NAB1: variants seen among roughly 807,000 people sequenced by gnomAD.
NAB1 encodes NGFI-A-binding protein 1.
Under a neutral mutation model 49.9 loss-of-function variants are expected in NAB1, and 25 were observed. The observed-to-expected ratio is 0.50, with a 90% CI of 0.37 to 0.70. The LOEUF (loss-of-function observed/expected upper bound fraction) is 0.70. Ranked by LOEUF, NAB1 falls within the 30% of genes least tolerant of loss-of-function variation. The pLI is 0.00. For missense variants in NAB1, 489 were observed against 575.9 expected (o/e 0.85, Z 1.54); for synonymous variants, 198 against 215.6 (o/e 0.92, Z 0.71).
At position 190,676,704 on chromosome 2, in the gene NAB1, T is replaced by G. The variant is rs1695090662; in HGVS notation, c.1005+3552T>G. Among the ~76,000 whole-genome samples the G allele has an allele frequency of 6.6e-6, 1 of 152,206 alleles. No homozygotes were observed. The highest frequency in any genetic ancestry group is 6.5e-5 in the Admixed American group (1 of 15,278). On this transcript the variant is annotated intron_variant, in intron 6 of 9. Coordinates refer to ENST00000337386, the MANE Select transcript of NAB1 (RefSeq NM_005966.4). The surrounding 1 kb of genome is among the most constrained non-coding windows in gnomAD (Gnocchi z 4.6). ...TCTCAAACAAAGGAAAAAAAGTTTTTAAGTAACGTACAAATAAACTTAAGC... is the reference window on the plus strand; with the variant it reads ...TCTCAAACAAAGGAAAAAAAGTTTTGAAGTAACGTACAAATAAACTTAAGC...
rs1044194296 is a variant in NAB1 at position 190,669,970 on chromosome 2, T to C, written c.820-356T>C. Among the ~76,000 whole-genome samples the C allele has an allele frequency of 6.6e-6, 1 of 152,236 alleles. No homozygotes were observed. The highest frequency in any genetic ancestry group is 1.5e-5 in the Non-Finnish European group (1 of 68,044). ...TTCATTTTTGGTTAGAGAAATGGTG[T>C]CAGCAAATCCTGTATTCTAATATTT... On this transcript the variant is annotated intron_variant, in intron 4 of 9. Transcript: ENST00000337386. This position sits in a 1 kb window ranked among gnomAD's most constrained non-coding sequence, Gnocchi z 4.3.
At position 190,677,777 on chromosome 2, in the gene NAB1, A is replaced by T. The variant is rs1286691460; in HGVS notation, c.1005+4625A>T. On this transcript the variant is annotated intron_variant, in intron 6 of 9. Transcript: ENST00000337386. The surrounding 1 kb of genome is among the most constrained non-coding windows in gnomAD (Gnocchi z 5.6). ...CACCTGTGTTGCCAAACTGCTATCC[A>T]GTAGCAGAGCCGGGGCTTCCTATCT... 6.6e-6 allele frequency among the ~76,000 whole-genome samples: 1 copy of T among 152,210 alleles called. No individual in the cohort carries two copies. Among genetic ancestry groups the T allele is most frequent in the African/African-American group, 2.4e-5 (1 of 41,458 alleles).
In NAB1 at chr2:190,674,008, C is replaced by A. The variant is rs1694952462; in HGVS notation, c.1005+856C>A. Among the ~76,000 whole-genome samples, 1 of 152,146 alleles carries A rather than the reference C, an allele frequency of 6.6e-6. No homozygotes were observed. The highest frequency in any genetic ancestry group is 2.4e-5 in the African/African-American group (1 of 41,436). On this transcript the variant is annotated intron_variant, in intron 6 of 9. Transcript: ENST00000337386. This position sits in a 1 kb window ranked among gnomAD's most constrained non-coding sequence, Gnocchi z 5.7. ...CCTATTATTTAATTTCAAGTTAAAG[C>A]AAATAATCTATGCTTGACCACCCTA...
chr2:190,651,605 C>T lies in NAB1; in HGVS notation c.-197+1623C>T, dbSNP rs1490584301. 1.3e-5 allele frequency among the ~76,000 whole-genome samples: 2 copies of T among 152,154 alleles called. No homozygotes were observed. The highest frequency in any genetic ancestry group is 2.4e-5 in the African/African-American group (1 of 41,426). On this transcript the variant is annotated intron_variant, in intron 2 of 9. Coordinates refer to ENST00000337386, the MANE Select transcript of NAB1 (RefSeq NM_005966.4). The surrounding 1 kb of genome is among the most constrained non-coding windows in gnomAD (Gnocchi z 4.3). ...CTGTGTTGCCCAGGTTGGCCTCAAA[C>T]TCCTGGGGCCAAGGGATTATCCCAC...
At position 190,687,647 on chromosome 2, in the gene NAB1, C is replaced by T. The variant is rs1366724910; in HGVS notation, c.1375+330C>T. 1.2e-4 allele frequency among the ~76,000 whole-genome samples: 19 copies of T among 152,128 alleles called. 1 individual carries two copies. Among genetic ancestry groups the T allele is most frequent in the Admixed American group, 1.2e-3 (19 of 15,272 alleles). ...TCCCAGGCATTTTGGATAAGGGATG[C>T]TCAATTGTCAGTTTTTCTCCCCTTG... On this transcript the variant is annotated intron_variant, in intron 9 of 9. Transcript: ENST00000337386.
chr2:190,685,374 G>A lies in NAB1; in HGVS notation c.1096-102G>A. On this transcript the variant is annotated intron_variant, in intron 7 of 9. Coordinates refer to ENST00000337386, the MANE Select transcript of NAB1 (RefSeq NM_005966.4). This position sits in a 1 kb window ranked among gnomAD's most constrained non-coding sequence, Gnocchi z 4.5. The stretch of plus-strand genomic sequence containing the variant: ...ACATGAAGTGTGAACTAATTTTAAT[G>A]AATACTAAATATATTTGCTGGAGTC... The A allele has an allele frequency of 9.4e-7, 1 of 1,061,844 alleles. No individual in the cohort carries two copies. The highest frequency in any genetic ancestry group is 1.3e-6 in the Non-Finnish European group (1 of 752,712). 65.8% of individuals were successfully genotyped at this position (1,061,844 alleles called of 1,614,324 possible).
chr2:190,655,617 G>C (rs916381838), intron 2 of NAB1, among the ~76,000 whole-genome samples: 1 of 152,182 alleles, frequency 6.6e-6, no homozygotes, highest in Non-Finnish European at 1.5e-5. Flanking sequence ...AAACAAGCTG[G>C]CCTGAGTCAG....
At position 190,686,472 on chromosome 2, in the gene NAB1, A is replaced by C. The variant is rs539012941; in HGVS notation, c.1259-729A>C. 1.3e-3 allele frequency among the ~76,000 whole-genome samples: 193 copies of C among 152,348 alleles called. No homozygotes were observed. The highest frequency in any genetic ancestry group is 4.4e-3 in the African/African-American group (181 of 41,576). ...TCCTAGGTAAGGATACCATCTTAAC[A>C]AGGATTCTCCAGCCATGGACTGAAA... On this transcript the variant is annotated intron_variant, in intron 8 of 9. Transcript: ENST00000337386. The surrounding 1 kb of genome is among the most constrained non-coding windows in gnomAD (Gnocchi z 5.5).
At position 190,663,559 on chromosome 2, in the gene NAB1, T is replaced by C. The variant is rs1694332830; in HGVS notation, c.819+3564T>C. 6.6e-6 allele frequency among the ~76,000 whole-genome samples: 1 copy of C among 152,236 alleles called. No individual in the cohort carries two copies. Among genetic ancestry groups the C allele is most frequent in the Admixed American group, 6.5e-5 (1 of 15,284 alleles). ...GGCCCGTAAAGCCTAAAATATTTAC[T>C]CTCTGGCCTTTTACAGAAAAAGCTT... On this transcript the variant is annotated intron_variant, in intron 4 of 9. Transcript: ENST00000337386. This position sits in a 1 kb window ranked among gnomAD's most constrained non-coding sequence, Gnocchi z 4.2.
In NAB1 at chr2:190,659,415, G is replaced by A; in HGVS notation, c.239G>A (p.Gly80Glu). ...KALRDWVTNP[G>E]LFNQPLTSLP... ...TTGAGAGACTGGGTCACAAACCCTG[G>A]GCTTTTCAATCAGCCACTGACTTCC... Residue 80 changes from glycine to glutamate, a missense_variant, in exon 4 of 10, where the codon GGG becomes GAG. By Grantham distance (98) the Gly-to-Glu change is moderately conservative. Transcript: ENST00000337386. The surrounding 1 kb of genome is among the most constrained non-coding windows in gnomAD (Gnocchi z 6.2). The A allele has an allele frequency of 6.2e-7, 1 of 1,614,070 alleles. No homozygotes were observed.
intron 4 of NAB1, among the ~76,000 whole-genome samples, chr2:190,665,361 T>C (rs943259945): frequency 6.6e-6 from 1 of 152,118 alleles, no homozygotes; most frequent in Admixed American, 6.5e-5. Context: ...CTGCTATTTA[T>C]TGTGTACTTT....
rs894644618 is a variant in NAB1, at chr2:190,667,904, T to TA, written c.820-2413dup. ...GAAACTGTATGGCTAATGACAAACT[T>TA]AAAAAAAAATCCCATTACATATGAT... On this transcript the variant is annotated intron_variant, in intron 4 of 9. Coordinates refer to ENST00000337386, the MANE Select transcript of NAB1 (RefSeq NM_005966.4). This position sits in a 1 kb window ranked among gnomAD's most constrained non-coding sequence, Gnocchi z 4.4. Among the ~76,000 whole-genome samples, 20 of 151,456 alleles carry TA rather than the reference T, an allele frequency of 1.3e-4. No homozygotes were observed. The highest frequency in any genetic ancestry group is 2.1e-4 in the Non-Finnish European group (14 of 67,752).
At chr2:190,664,054 A>G (rs546622889) in intron 4 of NAB1, among the ~76,000 whole-genome samples, 7 of 152,278 alleles carry the variant, frequency 4.6e-5, no homozygotes, top group Non-Finnish European at 1.0e-4. Context: ...TTTGGAAACG[A>G]TATCTTAAGC....
At chr2:190,662,374 T>C (rs1036896995) in intron 4 of NAB1, among the ~76,000 whole-genome samples, 8 of 146,888 alleles carry the variant, frequency 5.4e-5, no homozygotes, top group African/African-American at 2.0e-4. Flanking sequence ...GAATGACTTA[T>C]TGTTAAGCCC....
At position 190,675,686 on chromosome 2, in the gene NAB1, G is replaced by A. The variant is rs1695035141; in HGVS notation, c.1005+2534G>A. 6.6e-6 allele frequency among the ~76,000 whole-genome samples: 1 copy of A among 152,158 alleles called. No homozygotes were observed. Among genetic ancestry groups the A allele is most frequent in the South Asian group, 2.1e-4 (1 of 4,830 alleles). ...CAATCGGCCCCAGGCTTCTTTAAATGCTTTTATAGACACTAGACTTTTGAT... is the reference window on the plus strand; with the variant it reads ...CAATCGGCCCCAGGCTTCTTTAAATACTTTTATAGACACTAGACTTTTGAT... On this transcript the variant is annotated intron_variant, in intron 6 of 9. Transcript: ENST00000337386. This position sits in a 1 kb window ranked among gnomAD's most constrained non-coding sequence, Gnocchi z 5.2.
At position 190,692,080 on chromosome 2, in the gene NAB1, T is replaced by C. The variant is rs1022944566; in HGVS notation, c.*1747T>C. 6.6e-6 allele frequency: 1 copy of C among 152,348 alleles called. No individual in the cohort carries two copies. Among genetic ancestry groups the C allele is most frequent in the African/African-American group, 2.4e-5 (1 of 41,364 alleles). 9.4% of individuals were successfully genotyped at this position (152,348 alleles called of 1,614,324 possible). The stretch of plus-strand genomic sequence containing the variant: ...ACTTTGTTGCTAGCTTGAGGTTGAT[T>C]ATTGTGGTTGTATTGTTCACTGTGT... On this transcript the variant is annotated 3_prime_UTR_variant, in exon 10 of 10. Transcript: ENST00000337386. The surrounding 1 kb of genome is among the most constrained non-coding windows in gnomAD (Gnocchi z 5.2).
intron 5 of NAB1, among the ~76,000 whole-genome samples, chr2:190,671,446 C>T (rs1451204950): frequency 6.6e-6 from 1 of 152,070 alleles, no homozygotes; most frequent in Non-Finnish European, 1.5e-5. Flanking sequence ...ACTAAGTGAA[C>T]AGGGTAAGAA....
At position 190,685,617 on chromosome 2, in the gene NAB1, T is replaced by G. The variant is rs370918749; in HGVS notation, c.1237T>G (p.Ser413Ala). 1.2e-4 allele frequency: 200 copies of G among 1,609,788 alleles called. No individual in the cohort carries two copies. The highest frequency in any genetic ancestry group is 1.7e-4 in the Non-Finnish European group (195 of 1,178,424). Reference sequence around the variant, plus strand: ...AGAGCACAGTCCTAACGGCTTGACTTCCGATAACTCAGATGGACAAGGTAC... The same window carrying G: ...AGAGCACAGTCCTAACGGCTTGACTGCCGATAACTCAGATGGACAAGGTAC... ...SEEHSPNGLT[S>A]DNSDGQGERP... is the part of the protein sequence containing the mutation. Residue 413 changes from serine (S) to alanine (A), a missense_variant, in exon 8 of 10, where the codon TCC (serine) becomes GCC (alanine). Transcript: ENST00000337386. The surrounding 1 kb of genome is among the most constrained non-coding windows in gnomAD (Gnocchi z 4.5).
intron 4 of NAB1, among the ~76,000 whole-genome samples, chr2:190,664,568 CTCTT>C (rs1255540566): frequency 7.2e-5 from 9 of 124,180 alleles, no homozygotes; most frequent in South Asian, 2.7e-4. Context: ...CTTTCTTCCT[CTCTT>C]TCTTTCTTCT....
Sources: allele counts gnomAD v4.1 joint callset (sites outside exome capture counted in the v4.1 genomes callset), GRCh38; gene constraint gnomAD v4.1.1; non-coding constraint Gnocchi (gnomAD v3.1); transcripts MANE v1.5; gene names NCBI Gene and HGNC (gene_info 2026-07-23, HGNC 2026-07-21).